FOXP1: variants seen among roughly 807,000 people sequenced by gnomAD.
FOXP1 encodes the protein forkhead box P1.
FOXP1 carries 15 observed loss-of-function variants against 98.2 expected under a neutral mutation model. The ratio of observed to expected loss-of-function variants is 0.15; its 90% confidence interval spans 0.10 to 0.24. The LOEUF (loss-of-function observed/expected upper bound fraction) is 0.24. Among genes scored for constraint, FOXP1 ranks in the 10% least tolerant of loss-of-function variants. The pLI is 1.00. For missense variants in FOXP1, 633 were observed against 848.5 expected (o/e 0.75, Z 3.15); for synonymous variants, 371 against 314.5 (o/e 1.18, Z -1.90).
At chr3:71,163,725 C>T (rs1179118610) in intron 6 of FOXP1, among the ~76,000 whole-genome samples, 1 of 152,026 alleles carries the variant, frequency 6.6e-6, no homozygotes, top group African/African-American at 2.4e-5. Flanking sequence ...GTGTAAAATT[C>T]CAAGTTAAAT....
chr3:71,037,901 T>C (rs1206051670), intron 11 of FOXP1, among the ~76,000 whole-genome samples: 4 of 152,240 alleles, frequency 2.6e-5, no homozygotes, highest in African/African-American at 9.6e-5. Flanking sequence ...TGGGTTTCTA[T>C]TGGCAATCTT....
chr3:71,110,005 T>C (rs538881265), intron 7 of FOXP1, among the ~76,000 whole-genome samples: 19 of 152,272 alleles, frequency 1.2e-4, no homozygotes, highest in Admixed American at 4.6e-4. Context: ...AGATTACCCC[T>C]TCTCCCCCTA....
intron 4 of FOXP1, chr3:71,332,215 A>G (rs1434525024): frequency 6.5e-6 from 1 of 153,852 alleles, no homozygotes; most frequent in Non-Finnish European, 1.4e-5. Context: ...TCCTGAAGCC[A>G]GCGAGACTAC....
chr3:70,999,683 TA>T (rs892636663), intron 13 of FOXP1, among the ~76,000 whole-genome samples: 5 of 151,424 alleles, frequency 3.3e-5, no homozygotes, highest in East Asian at 3.9e-4. Flanking sequence ...GATAACTAAT[TA>T]AAAAAAAATC....
At chr3:70,967,702 TTTTTTTTG>T (rs2035211005) in intron 19 of FOXP1, among the ~76,000 whole-genome samples, 1 of 119,162 alleles carries the variant, frequency 8.4e-6, no homozygotes, top group African/African-American at 4.5e-5. Flanking sequence ...TTTTTTTTGT[TTTTTTTTG>T]TTTTTTTTTT....
At chr3:71,464,685 G>A (rs2088511884) in intron 3 of FOXP1, among the ~76,000 whole-genome samples, 1 of 152,160 alleles carries the variant, frequency 6.6e-6, no homozygotes, top group Admixed American at 6.5e-5. Flanking sequence ...CACCCCCAAG[G>A]TGAGGGGATG....
At position 70,978,059 on chromosome 3, in the gene FOXP1, A is replaced by C. The variant is rs2037967147; in HGVS notation, c.1147-30T>G. 1.9e-6 allele frequency: 3 copies of C among 1,602,324 alleles called. No homozygotes were observed. In the East Asian group the frequency reaches 6.7e-5, roughly 36 times the overall value. On this transcript the variant is annotated intron_variant, in intron 14 of 20. Transcript: ENST00000649528. ...AAGGAAAAAAACAACGTCTTAGAAGACCTTCAGAAAACCAGAGCAACCCAG... is the reference window on the plus strand; with the variant it reads ...AAGGAAAAAAACAACGTCTTAGAAGCCCTTCAGAAAACCAGAGCAACCCAG...
chr3:71,227,174 C>T (rs1240214007), intron 5 of FOXP1, among the ~76,000 whole-genome samples: 1 of 152,128 alleles, frequency 6.6e-6, no homozygotes, highest in African/African-American at 2.4e-5. Context: ...CTTTACAGCC[C>T]CACAGGCACG....
chr3:71,416,852 T>C (rs61430840), intron 3 of FOXP1, among the ~76,000 whole-genome samples: 1 of 152,252 alleles, frequency 6.6e-6, no homozygotes, highest in African/African-American at 2.4e-5. Flanking sequence ...GAACTCACAC[T>C]ATAAAGGCCA....
intron 7 of FOXP1, among the ~76,000 whole-genome samples, chr3:71,088,068 G>A (rs543222772): frequency 1.6e-3 from 237 of 152,280 alleles, no homozygotes; most frequent in African/African-American, 5.4e-3. Flanking sequence ...CAAAGCTGAC[G>A]GTCAACCATA....
chr3:71,274,516 G>A (rs2070704221), intron 5 of FOXP1, among the ~76,000 whole-genome samples: 1 of 152,192 alleles, frequency 6.6e-6, no homozygotes, highest in Admixed American at 6.5e-5. Flanking sequence ...GAAATGCAAA[G>A]ATGGGGTTGT....
At chr3:71,196,251 A>T (rs2037475) in intron 6 of FOXP1, among the ~76,000 whole-genome samples, 5,367 of 152,286 alleles carry the variant, frequency 0.035, 316 homozygotes, top group African/African-American at 0.12. Context: ...TCCAAAGTGG[A>T]CACAGCCAAA....
chr3:71,499,022 G>A (rs1288912978), intron 2 of FOXP1, among the ~76,000 whole-genome samples: 1 of 152,126 alleles, frequency 6.6e-6, no homozygotes, highest in South Asian at 2.1e-4. Flanking sequence ...GCTGTTTCCA[G>A]AACAAAATGC....
intron 3 of FOXP1, among the ~76,000 whole-genome samples, chr3:71,414,404 G>A (rs1255046670): frequency 6.6e-6 from 1 of 152,182 alleles, no homozygotes; most frequent in Admixed American, 6.5e-5. Context: ...TAGAAGGCCA[G>A]GAAAATCCCA....
intron 4 of FOXP1, among the ~76,000 whole-genome samples, chr3:71,339,905 G>A (rs549463593): frequency 2.6e-5 from 4 of 152,214 alleles, no homozygotes; most frequent in African/African-American, 7.2e-5. Context: ...TAACATACAT[G>A]TAAAATCTCT....
intron 6 of FOXP1, among the ~76,000 whole-genome samples, chr3:71,160,052 G>A (rs2108132915): frequency 6.6e-6 from 1 of 152,318 alleles, no homozygotes; most frequent in African/African-American, 2.4e-5. Context: ...GAAGGCTCAA[G>A]AACCAATAAA....
intron 6 of FOXP1, among the ~76,000 whole-genome samples, chr3:71,166,045 G>A (rs2061382731): frequency 6.6e-6 from 1 of 152,218 alleles, no homozygotes; most frequent in Admixed American, 6.5e-5. Flanking sequence ...TAAAACATTA[G>A]CCAAATTCTG....
chr3:71,017,310 CA>C (rs1033612662), intron 11 of FOXP1, among the ~76,000 whole-genome samples: 1 of 151,838 alleles, frequency 6.6e-6, no homozygotes, highest in African/African-American at 2.4e-5. Flanking sequence ...AATACTTCAA[CA>C]GTAGTAGAAT....
chr3:71,243,978 G>A (rs1576561869), intron 5 of FOXP1, among the ~76,000 whole-genome samples: 1 of 151,774 alleles, frequency 6.6e-6, no homozygotes, highest in Non-Finnish European at 1.5e-5. Context: ...TAGACCAAAG[G>A]GGAAAAGAAA....
Sources: gnomAD v4.1 joint callset for allele counts (sites outside exome capture counted in the v4.1 genomes callset) on GRCh38, gnomAD v4.1.1 for gene constraint, MANE v1.5 for transcripts, NCBI Gene and HGNC (gene_info 2026-07-23, HGNC 2026-07-21) for gene names.